LRRTM4: variants seen among roughly 807,000 people sequenced by gnomAD.
The protein encoded by LRRTM4 is leucine-rich repeat transmembrane neuronal protein 4.
LRRTM4 carries 25 observed loss-of-function variants against 47.6 expected under a neutral mutation model. That is an observed-to-expected ratio of 0.53 (90% CI 0.38 to 0.73). The LOEUF (loss-of-function observed/expected upper bound fraction) is 0.73, where lower values mean the gene tolerates loss of function less well. Among genes scored for constraint, LRRTM4 ranks in the 30% least tolerant of loss-of-function variants. LRRTM4 has a pLI of 0.00. For missense variants in LRRTM4, 638 were observed against 713.4 expected (o/e 0.89, Z 1.20); for synonymous variants, 311 against 269.5 (o/e 1.15, Z -1.51).
intron 3 of LRRTM4, among the ~76,000 whole-genome samples, chr2:77,288,150 T>C (rs1345772019): frequency 6.6e-6 from 1 of 151,866 alleles, no homozygotes; most frequent in African/African-American, 2.4e-5. Flanking sequence ...ACTTACCAAA[T>C]AGATTACAAT....
At chr2:77,333,181 C>T (rs1421464857) in intron 3 of LRRTM4, among the ~76,000 whole-genome samples, 1 of 152,116 alleles carries the variant, frequency 6.6e-6, no homozygotes, top group East Asian at 1.9e-4. Context: ...TGTAAATTGC[C>T]CAGTCTTTGG....
chr2:76,761,021 G>A (rs1673234201), intron 3 of LRRTM4, among the ~76,000 whole-genome samples: 1 of 152,102 alleles, frequency 6.6e-6, no homozygotes, highest in South Asian at 2.1e-4. Context: ...AAATTTCTAG[G>A]GTATGGCCCA....
At chr2:77,237,096 A>G (rs1207910317) in intron 3 of LRRTM4, among the ~76,000 whole-genome samples, 2 of 150,592 alleles carry the variant, frequency 1.3e-5, no homozygotes, top group African/African-American at 2.4e-5. Context: ...TTGAATAGTT[A>G]CAGTAGAATT....
chr2:77,232,006 T>A (rs1674978538), intron 3 of LRRTM4, among the ~76,000 whole-genome samples: 1 of 152,234 alleles, frequency 6.6e-6, no homozygotes, highest in African/African-American at 2.4e-5. Flanking sequence ...TCAGATACAT[T>A]TTCAAATAAA....
intron 3 of LRRTM4, among the ~76,000 whole-genome samples, chr2:77,258,760 A>ATTT (rs1558657312): frequency 3.4e-4 from 51 of 150,392 alleles, no homozygotes; most frequent in Admixed American, 8.7e-4. Flanking sequence ...CTTATTTTTA[A>ATTT]AAAAAAAATA....
intron 3 of LRRTM4, among the ~76,000 whole-genome samples, chr2:76,758,339 C>T (rs1297611368): frequency 6.6e-6 from 1 of 152,134 alleles, no homozygotes; most frequent in East Asian, 1.9e-4. Flanking sequence ...TCCTGTACCT[C>T]TGTAAAGCAG....
intron 3 of LRRTM4, among the ~76,000 whole-genome samples, chr2:76,827,967 GAA>G (rs1671234188): frequency 6.6e-6 from 1 of 151,838 alleles, no homozygotes; most frequent in East Asian, 1.9e-4. Flanking sequence ...AAATACACAA[GAA>G]AAGTCATTTG....
intron 3 of LRRTM4, among the ~76,000 whole-genome samples, chr2:77,434,835 A>G (rs1178297280): frequency 1.3e-5 from 2 of 152,144 alleles, no homozygotes; most frequent in African/African-American, 2.4e-5. Context: ...CAATTATCCT[A>G]CCCTTAGTAA....
At chr2:76,828,786 T>C (rs968985781) in intron 3 of LRRTM4, among the ~76,000 whole-genome samples, 6 of 151,926 alleles carry the variant, frequency 3.9e-5, no homozygotes, top group Non-Finnish European at 5.9e-5. Flanking sequence ...ACTCAGTAGC[T>C]GTACAAAAGC....
At chr2:77,069,866 CT>C (rs1311867371) in intron 3 of LRRTM4, among the ~76,000 whole-genome samples, 1 of 152,152 alleles carries the variant, frequency 6.6e-6, no homozygotes, top group Admixed American at 6.6e-5. Context: ...CTTTGCCCAG[CT>C]TTTGGCTTGT....
At chr2:76,959,720 G>C (rs139758025) in intron 3 of LRRTM4, among the ~76,000 whole-genome samples, 2 of 151,776 alleles carry the variant, frequency 1.3e-5, no homozygotes, top group African/African-American at 4.8e-5. Flanking sequence ...GTGTGATGCA[G>C]CTCTTCCTCT....
intron 3 of LRRTM4, among the ~76,000 whole-genome samples, chr2:77,257,093 A>G (rs1267141257): frequency 2.0e-5 from 3 of 152,114 alleles, no homozygotes. Context: ...TTCAGCCCTC[A>G]TTCATGACAA....
intron 3 of LRRTM4, among the ~76,000 whole-genome samples, chr2:77,251,177 G>GTA (rs1274649037): frequency 6.4e-5 from 2 of 31,114 alleles, no homozygotes; most frequent in East Asian, 9.2e-4. Flanking sequence ...ATGTGTGTGT[G>GTA]TGTATATATA....
intron 3 of LRRTM4, among the ~76,000 whole-genome samples, chr2:76,797,489 C>T (rs182191451): frequency 0.086 from 13,079 of 151,822 alleles, 987 homozygotes; most frequent in East Asian, 0.2. Context: ...AAGGAACAAC[C>T]GGTATCAGCT....
chr2:77,124,130 G>C (rs1419600464), intron 3 of LRRTM4, among the ~76,000 whole-genome samples: 1 of 152,020 alleles, frequency 6.6e-6, no homozygotes, highest in East Asian at 1.9e-4. Context: ...ATAGAGATTA[G>C]AAAAGGAAAA....
chr2:76,864,889 CT>C (rs1431712327), intron 3 of LRRTM4, among the ~76,000 whole-genome samples: 9 of 110,086 alleles, frequency 8.2e-5, no homozygotes, highest in African/African-American at 4.2e-4. Context: ...ACCACTTCAG[CT>C]GTTTTTTTTT....
intron 3 of LRRTM4, among the ~76,000 whole-genome samples, chr2:77,055,682 A>G (rs1414425745): frequency 6.6e-6 from 1 of 152,050 alleles, no homozygotes; most frequent in African/African-American, 2.4e-5. Context: ...CAGCCATCCC[A>G]TTACTGGGTA....
chr2:76,936,676 C>T (rs184949718), intron 3 of LRRTM4, among the ~76,000 whole-genome samples: 222 of 151,490 alleles, frequency 1.5e-3, no homozygotes, highest in Non-Finnish European at 2.4e-3. Flanking sequence ...TCCACCTGGC[C>T]GGGCACAGTG....
chr2:77,031,212 TTG>T (rs1435844555), intron 3 of LRRTM4, among the ~76,000 whole-genome samples: 1 of 152,186 alleles, frequency 6.6e-6, no homozygotes, highest in African/African-American at 2.4e-5. Flanking sequence ...TGCCAAATAT[TTG>T]TGTTTTTAAA....
Sources: gnomAD v4.1 joint callset for allele counts (sites outside exome capture counted in the v4.1 genomes callset) on GRCh38, gnomAD v4.1.1 for gene constraint, MANE v1.5 for transcripts, NCBI Gene and HGNC (gene_info 2026-07-23, HGNC 2026-07-21) for gene names.